Variants in DLGAP2 observed in about 807,000 individuals in gnomAD.
DLGAP2 encodes disks large-associated protein 2.
In DLGAP2, 26 loss-of-function variants were observed where a neutral mutation model predicts 100.3. The ratio of observed to expected loss-of-function variants is 0.26; its 90% CI spans 0.19 to 0.36. The LOEUF is 0.36. Among genes scored for constraint, DLGAP2 ranks in the 10% least tolerant of loss-of-function variants. DLGAP2 has a pLI of 1.00. For synonymous variants in DLGAP2, 886 were observed against 630.1 expected (o/e 1.41, Z -6.08); for missense variants, 1,858 against 1,453.2 (o/e 1.28, Z -4.53).
At chr8:1,552,603 C>T (rs763476767) in intron 5 of DLGAP2, among the ~76,000 whole-genome samples, 2 of 152,198 alleles carry the variant, frequency 1.3e-5, no homozygotes, top group Non-Finnish European at 2.9e-5. Flanking sequence ...TCTGGGTCCT[C>T]ACAACCCCAG....
chr8:1,170,141 CAT>C (rs1321213442), intron 2 of DLGAP2, among the ~76,000 whole-genome samples: 4 of 152,086 alleles, frequency 2.6e-5, no homozygotes, highest in Non-Finnish European at 2.9e-5. Flanking sequence ...TTAAGATAAT[CAT>C]GTGGTTTTTG....
chr8:1,563,172 G>C (rs1802243747), intron 5 of DLGAP2, among the ~76,000 whole-genome samples: 1 of 63,136 alleles, frequency 1.6e-5, no homozygotes, highest in Non-Finnish European at 3.2e-5. Context: ...CTCGTTACTG[G>C]GGGGCTGTGT....
intron 3 of DLGAP2, among the ~76,000 whole-genome samples, chr8:1,347,304 G>C (rs1480050099): frequency 6.6e-6 from 1 of 151,526 alleles, no homozygotes; most frequent in Non-Finnish European, 1.5e-5. Context: ...TGTGGAGGTT[G>C]AGTTCCCCCA....
At chr8:1,061,529 A>G (rs1436062286) in intron 2 of DLGAP2, among the ~76,000 whole-genome samples, 2 of 152,046 alleles carry the variant, frequency 1.3e-5, no homozygotes, top group Admixed American at 1.3e-4. Context: ...CCCTCCAGCC[A>G]TGTATTTTGT....
At chr8:1,587,429 C>A (rs1158242016) in intron 6 of DLGAP2, among the ~76,000 whole-genome samples, 2 of 152,114 alleles carry the variant, frequency 1.3e-5, no homozygotes, top group Non-Finnish European at 2.9e-5. Context: ...TTAACTTCTG[C>A]TTTTATTGCT....
intron 2 of DLGAP2, among the ~76,000 whole-genome samples, chr8:999,993 A>T (rs113645617): frequency 0.28 from 33,540 of 118,206 alleles, 3,626 homozygotes; most frequent in Middle Eastern, 0.38. Context: ...TTTCTTTTGC[A>T]CTGGATTTTC....
At chr8:1,672,127 G>A (rs76527477) in intron 10 of DLGAP2, among the ~76,000 whole-genome samples, 2,409 of 152,300 alleles carry the variant, frequency 0.016, 67 homozygotes, top group African/African-American at 0.054. Flanking sequence ...TAGGAGGGAC[G>A]GAGGCCTGGT....
chr8:1,171,168 C>T (rs1357959537), intron 2 of DLGAP2, among the ~76,000 whole-genome samples: 1 of 152,132 alleles, frequency 6.6e-6, no homozygotes, highest in African/African-American at 2.4e-5. Flanking sequence ...GAAGGTTGTT[C>T]AGTTTCCATG....
intron 2 of DLGAP2, among the ~76,000 whole-genome samples, chr8:940,732 AT>A (rs1799177699): frequency 6.6e-6 from 1 of 152,198 alleles, no homozygotes; most frequent in African/African-American, 2.4e-5. Flanking sequence ...TTTTACAAAA[AT>A]TTAAAATAGT....
At chr8:1,495,605 C>G (rs1337771199) in intron 3 of DLGAP2, among the ~76,000 whole-genome samples, 2 of 152,346 alleles carry the variant, frequency 1.3e-5, no homozygotes, top group East Asian at 3.9e-4. Flanking sequence ...ACGTTTGCCT[C>G]TGCACCTACT....
intron 5 of DLGAP2, among the ~76,000 whole-genome samples, chr8:1,561,443 G>A (rs1802158349): frequency 6.6e-6 from 1 of 152,284 alleles, no homozygotes; most frequent in East Asian, 1.9e-4. Flanking sequence ...CCAGCTCACG[G>A]TCACAGTTCA....
intron 3 of DLGAP2, among the ~76,000 whole-genome samples, chr8:1,360,066 C>A (rs1228456050): frequency 6.6e-6 from 1 of 152,186 alleles, no homozygotes; most frequent in Non-Finnish European, 1.5e-5. Flanking sequence ...TCATCCCCGT[C>A]CACTGAGGAA....
chr8:1,284,339 G>A (rs1351810537), intron 3 of DLGAP2, among the ~76,000 whole-genome samples: 5 of 152,108 alleles, frequency 3.3e-5, no homozygotes, highest in South Asian at 2.1e-4. Context: ...TCTGGTATCC[G>A]GGGCTGTGGA....
chr8:1,416,860 C>T (rs1200247588), intron 3 of DLGAP2, among the ~76,000 whole-genome samples: 1 of 152,184 alleles, frequency 6.6e-6, no homozygotes, highest in Non-Finnish European at 1.5e-5. Context: ...TGAGCATAAT[C>T]CGTTCTCTCC....
chr8:1,207,716 C>A (rs1048748978), intron 2 of DLGAP2, among the ~76,000 whole-genome samples: 2 of 152,186 alleles, frequency 1.3e-5, no homozygotes, highest in African/African-American at 4.8e-5. Context: ...TTACCACATT[C>A]ATGCCAACAT....
rs563088836 is a variant in DLGAP2, at chr8:990,076, A to G, written c.73+82110A>G. ...ACAGATCACTGCTTCCCACTGTAGA[A>G]TTTCATGAAAGGGGTCATCTACGAC... On this transcript the variant is annotated intron_variant, in intron 2 of 14. Transcript: ENST00000637795. Among the ~76,000 whole-genome samples, 22 of 152,072 alleles carry G rather than the reference A, an allele frequency of 1.4e-4. No individual in the cohort carries two copies. The South Asian group carries it at 4.4e-3, about 30-fold the overall frequency.
chr8:1,328,787 G>T (rs750755442), intron 3 of DLGAP2, among the ~76,000 whole-genome samples: 1 of 152,240 alleles, frequency 6.6e-6, no homozygotes, highest in Non-Finnish European at 1.5e-5. Flanking sequence ...ATGTCGGGAT[G>T]CCGCTTACGT....
intron 2 of DLGAP2, among the ~76,000 whole-genome samples, chr8:1,157,481 A>G (rs1489786593): frequency 6.6e-6 from 1 of 152,066 alleles, no homozygotes; most frequent in Non-Finnish European, 1.5e-5. Flanking sequence ...TTTCATTCCC[A>G]TCTCCCAGCC....
At chr8:1,514,162 A>G (rs1800277533) in intron 4 of DLGAP2, among the ~76,000 whole-genome samples, 1 of 152,280 alleles carries the variant, frequency 6.6e-6, no homozygotes, top group Admixed American at 6.5e-5. Context: ...TTAGACATCT[A>G]GGAATTCACA....
Sources: allele counts gnomAD v4.1 joint callset (sites outside exome capture counted in the v4.1 genomes callset), GRCh38; gene constraint gnomAD v4.1.1; transcripts MANE v1.5; gene names NCBI Gene and HGNC (gene_info 2026-07-23, HGNC 2026-07-21).